Variants in NME5 observed in about 807,000 individuals in gnomAD.
NME5 encodes nucleoside diphosphate kinase 5.
A neutral mutation model predicts 21.6 loss-of-function variants in NME5; 18 were observed. The observed-to-expected ratio is 0.83, with a 90% confidence interval of 0.58 to 1.24. NME5 has a LOEUF of 1.24. NME5 is among the 50% of genes most tolerant of loss of function. The probability of loss-of-function intolerance (pLI) is 0.00; values close to 1 mark genes in which losing one functional copy is unlikely to be tolerated. For missense variants in NME5, 223 were observed against 255.4 expected (o/e 0.87, Z 0.86); for synonymous variants, 70 against 80.6 (o/e 0.87, Z 0.71).
chr5:138,132,375 C>T (rs1347752996), intron 2 of NME5, among the ~76,000 whole-genome samples: 1 of 151,986 alleles, frequency 6.6e-6, no homozygotes, highest in Admixed American at 6.6e-5. Flanking sequence ...TTATTTATTA[C>T]TGCTGTTTTT....
chr5:138,118,048 A>G (rs1751202030), intron 5 of NME5, among the ~76,000 whole-genome samples: 1 of 152,192 alleles, frequency 6.6e-6, no homozygotes, highest in Non-Finnish European at 1.5e-5. Context: ...ATAATTATAC[A>G]TATCTAACAT....
At chr5:138,120,840 C>T (rs887275548) in intron 4 of NME5, among the ~76,000 whole-genome samples, 5 of 152,098 alleles carry the variant, frequency 3.3e-5, no homozygotes, top group Non-Finnish European at 7.3e-5. Flanking sequence ...ACATGGGTTA[C>T]ATCCCAATAA....
At chr5:138,118,981 A>T in intron 4 of NME5, 45 bp from the exon 5 acceptor site, 4 of 1,060,616 alleles carry the variant, frequency 3.8e-6, no homozygotes, top group South Asian at 1.4e-5. Flanking sequence ...ATAATGATTA[A>T]ATACTATACA....
At position 138,138,733 on chromosome 5, in the gene NME5, CAG is replaced by C; in HGVS notation, c.46_47del (p.Leu16GlyfsTer9). The C allele has an allele frequency of 6.2e-7, 1 of 1,612,698 alleles. No individual in the cohort carries two copies. Among genetic ancestry groups the C allele is most frequent in the Non-Finnish European group, 8.5e-7 (1 of 1,179,558 alleles). ...PPPQIYVEKTLAIIKPDIVDK... is the reference protein window; with the variant it reads ...PPPQIYVEKTXAIIKPDIVDK... ...CAACAATATCTGGTTTGATAATGGC[CAG>C]AGTTTTTTCTACATATATCTGAGGT... On this transcript the variant is annotated frameshift_variant, in exon 2 of 6. Transcript: ENST00000265191. LOFTEE classifies it high-confidence loss of function.
chr5:138,127,392 T>G (rs1436894162), intron 4 of NME5: 3 of 791,112 alleles, frequency 3.8e-6, no homozygotes, highest in Non-Finnish European at 4.6e-6. Context: ...ATTCAAAACA[T>G]GTGAAATCTC....
chr5:138,118,528 C>A (rs902847355), intron 5 of NME5, among the ~76,000 whole-genome samples: 8 of 151,852 alleles, frequency 5.3e-5, no homozygotes, highest in Non-Finnish European at 1.0e-4. Flanking sequence ...CTCTGTCACC[C>A]AGGCTGGAGT....
chr5:138,131,746 T>A (rs921322039), intron 2 of NME5, among the ~76,000 whole-genome samples: 2 of 152,006 alleles, frequency 1.3e-5, no homozygotes, highest in African/African-American at 2.4e-5. Context: ...TTTTTTTTTT[T>A]TTTATTTTTT....
intron 4 of NME5, among the ~76,000 whole-genome samples, chr5:138,119,794 C>T (rs1018458798): frequency 2.6e-5 from 4 of 151,636 alleles, no homozygotes; most frequent in African/African-American, 7.3e-5. Flanking sequence ...GTAGAACCAG[C>T]CTCAGTTTTC....
intron 2 of NME5, among the ~76,000 whole-genome samples, chr5:138,131,943 CT>C (rs1244249286): frequency 4.6e-5 from 7 of 152,274 alleles, no homozygotes; most frequent in African/African-American, 1.7e-4. Flanking sequence ...AGGTTTTTCG[CT>C]TTGTTGGCCA....
Position 138,126,525 on chromosome 5 carries a change from A to AAG in NME5, c.436+1953_436+1954insCT, listed in dbSNP as rs1382202092. Among the ~76,000 whole-genome samples, 105 of 150,672 alleles carry AAG rather than the reference A, an allele frequency of 7.0e-4. 1 individual carries two copies. Among genetic ancestry groups the AAG allele is most frequent in the African/African-American group, 2.4e-3 (98 of 41,216 alleles). On this transcript the variant is annotated intron_variant, in intron 4 of 5. Coordinates refer to ENST00000265191, the MANE Select transcript of NME5 (RefSeq NM_003551.3). ...GAATCTATCTCAAAAAAAAAAAAAA[A>AAG]AAAAAAAAAAAGAAAGAAAGCGAAA... is the stretch of plus-strand genomic sequence containing the variant.
intron 4 of NME5, among the ~76,000 whole-genome samples, chr5:138,119,257 A>C (rs1252901931): frequency 1.3e-5 from 2 of 151,878 alleles, no homozygotes; most frequent in African/African-American, 4.8e-5. Context: ...CCAGGCTGGA[A>C]TGCAGTGGCA....
Position 138,132,228 on chromosome 5 carries a change from TAGTCTC to T in NME5, c.130-2766_130-2761del, listed in dbSNP as rs563192625. Reference sequence around the variant, plus strand: ...TACAAAAATTGGTGGTGCACACCTGTAGTCTCAGTTAATCGGGAGGCTGAGGCACGA... The same window carrying T: ...TACAAAAATTGGTGGTGCACACCTGTAGTTAATCGGGAGGCTGAGGCACGA... On this transcript the variant is annotated intron_variant, in intron 2 of 5. Transcript: ENST00000265191. Among the ~76,000 whole-genome samples the T allele has an allele frequency of 1.9e-3, 283 of 152,190 alleles. 2 individuals carry two copies. The highest frequency in any genetic ancestry group is 6.6e-3 in the African/African-American group (274 of 41,534).
intron 4 of NME5, 150 bp from the exon 5 acceptor site, chr5:138,119,086 A>C: frequency 1.9e-6 from 1 of 531,448 alleles, no homozygotes; most frequent in Non-Finnish European, 3.3e-6. Flanking sequence ...CTGGAGTGCA[A>C]TGATGCAATC....
intron 2 of NME5, among the ~76,000 whole-genome samples, chr5:138,132,220 C>T (rs1405408166): frequency 1.3e-5 from 2 of 151,986 alleles, no homozygotes; most frequent in Non-Finnish European, 2.9e-5. Context: ...ATTGGTGGTG[C>T]ACACCTGTAG....
chr5:138,122,360 A>G (rs945076410), intron 4 of NME5, among the ~76,000 whole-genome samples: 1 of 145,724 alleles, frequency 6.9e-6, no homozygotes, highest in Non-Finnish European at 1.5e-5. Flanking sequence ...GAATCGCTTG[A>G]ACCCAGGAGG....
At chr5:138,137,667 T>C (rs1751730041) in intron 2 of NME5, among the ~76,000 whole-genome samples, 1 of 151,148 alleles carries the variant, frequency 6.6e-6, no homozygotes, top group African/African-American at 2.4e-5. Flanking sequence ...TGACACTGTA[T>C]AAATGGGAGA....
At chr5:138,118,794 A>C in intron 5 of NME5, 24 bp downstream of exon 5, 1 of 1,457,838 alleles carries the variant, frequency 6.9e-7, no homozygotes, top group Non-Finnish European at 9.6e-7. Context: ...AATATTCTTA[A>C]GTGTGAATAA....
chr5:138,124,651 G>T (rs1224558965), intron 4 of NME5, among the ~76,000 whole-genome samples: 8 of 152,132 alleles, frequency 5.3e-5, no homozygotes, highest in Non-Finnish European at 1.2e-4. Context: ...CTCCCAAGTA[G>T]CTGGGACCAC....
intron 4 of NME5, chr5:138,127,599 C>G: frequency 2.0e-6 from 2 of 984,564 alleles, no homozygotes; most frequent in Non-Finnish European, 2.4e-6. Flanking sequence ...TTCCTTATAA[C>G]AAAAATCACC....
Sources: gnomAD v4.1 joint callset for allele counts (sites outside exome capture counted in the v4.1 genomes callset) on GRCh38, gnomAD v4.1.1 for gene constraint, MANE v1.5 for transcripts, NCBI Gene and HGNC (gene_info 2026-07-23, HGNC 2026-07-21) for gene names.